Variants in KCNC1 observed in about 807,000 individuals in gnomAD.
KCNC1 encodes potassium voltage-gated channel subfamily C member 1.
KCNC1 carries 8 observed loss-of-function variants against 43.4 expected under a neutral mutation model. The observed-to-expected ratio is 0.18, with a 90% CI of 0.11 to 0.33. KCNC1 has a LOEUF of 0.33. KCNC1 is among the 10% of genes least tolerant of loss of function. KCNC1 has a pLI of 1.00. For synonymous variants in KCNC1, 361 were observed against 360.5 expected, an observed-to-expected ratio of 1.00 and a Z score of -0.01; for missense variants, 420 against 836.0, an observed-to-expected ratio of 0.50 and a Z score of 6.14.
In KCNC1 at chr11:17,739,375, G is replaced by A. The variant is rs1848810632; in HGVS notation, c.570+2803G>A. 2.8e-5 allele frequency among the ~76,000 whole-genome samples: 1 copy of A among 35,976 alleles called. No individual in the cohort carries two copies. Among genetic ancestry groups the A allele is most frequent in the Non-Finnish European group, 1.4e-4 (1 of 7,332 alleles). 23.6% of individuals were successfully genotyped at this position (35,976 alleles called of 152,430 possible). A position where few individuals can be genotyped will look rare whatever the true frequency, so the allele number is the denominator to read the frequency against. On this transcript the variant is annotated intron_variant, in intron 1 of 3. Transcript: ENST00000265969. The surrounding 1 kb of genome is among the most constrained non-coding windows in gnomAD (Gnocchi z 4.2). The stretch of plus-strand genomic sequence containing the variant: ...TGAGACTCCAGGCGTGTGTGTGTGT[G>A]TGTGTGTGTGTGTGTGTGTGTGTGG...
Position 17,752,006 on chromosome 11 carries a change from C to T in KCNC1, c.570+15434C>T, listed in dbSNP as rs549300798. The stretch of plus-strand genomic sequence containing the variant: ...GCTGAGGAGGGGGCCCTCCTGAGGC[C>T]GCAGAAGACCCTGGCTCAGGTATAC... On this transcript the variant is annotated intron_variant, in intron 1 of 3. Transcript: ENST00000265969. Among the ~76,000 whole-genome samples the T allele has an allele frequency of 6.6e-5, 10 of 152,248 alleles. No homozygotes were observed. In the South Asian group the frequency reaches 1.2e-3, roughly 19 times the overall value.
Position 17,776,621 on chromosome 11 carries a change from G to A in KCNC1, c.1505-2835G>A. On this transcript the variant is annotated intron_variant, in intron 2 of 3. Coordinates refer to ENST00000265969, the MANE Select transcript of KCNC1 (RefSeq NM_001112741.2). This position sits in a 1 kb window ranked among gnomAD's most constrained non-coding sequence, Gnocchi z 4.4. ...CTGCCCATGCTGCCATTTCATCACT[G>A]CAGGCCTGTGGGTCTAGTGGGGGCC... is the stretch of plus-strand genomic sequence containing the variant. The A allele has an allele frequency of 1.0e-6, 1 of 985,432 alleles. No individual in the cohort carries two copies. Among genetic ancestry groups the A allele is most frequent in the Non-Finnish European group, 1.2e-6 (1 of 829,966 alleles). 61.0% of individuals were successfully genotyped at this position (985,432 alleles called of 1,614,324 possible). A position where few individuals can be genotyped will look rare whatever the true frequency, so the allele number is the denominator to read the frequency against.
chr11:17,745,697 C>A (rs1343203318), intron 1 of KCNC1, among the ~76,000 whole-genome samples: 1 of 152,160 alleles, frequency 6.6e-6, no homozygotes, highest in Non-Finnish European at 1.5e-5. Context: ...CATGGCTTTC[C>A]TCCCCAGCGC....
Position 17,773,585 on chromosome 11 carries a change from A to T in KCNC1, c.1504+987A>T, listed in dbSNP as rs1217125508. ...GGGAGGGGGGAGGGGGGCATGAAACAATACTAGTCACCGTGGGATATATTC... is the reference window on the plus strand; with the variant it reads ...GGGAGGGGGGAGGGGGGCATGAAACTATACTAGTCACCGTGGGATATATTC... On this transcript the variant is annotated intron_variant, in intron 2 of 3. Coordinates refer to ENST00000265969, the MANE Select transcript of KCNC1 (RefSeq NM_001112741.2). The surrounding 1 kb of genome is among the most constrained non-coding windows in gnomAD (Gnocchi z 4.1). 2.0e-6 allele frequency: 2 copies of T among 985,188 alleles called. No homozygotes were observed. The highest frequency in any genetic ancestry group is 2.4e-6 in the Non-Finnish European group (2 of 829,950). The allele number at this position is 985,188 out of a possible 1,614,324, so 61.0% of individuals were successfully genotyped here.
At chr11:17,749,401 A>G (rs757514) in intron 1 of KCNC1, among the ~76,000 whole-genome samples, 80,453 of 152,234 alleles carry the variant, frequency 0.53, 23,380 homozygotes, top group East Asian at 0.88. Flanking sequence ...CAAGCGGGCT[A>G]CCATACCTGG....
chr11:17,736,622 T>A lies in KCNC1; in HGVS notation c.570+50T>A. 1 of 1,450,160 alleles carries A rather than the reference T, an allele frequency of 6.9e-7. No individual in the cohort carries two copies. The allele number at this position is 1,450,160 out of a possible 1,614,324, so 89.8% of individuals were successfully genotyped here. ...AGAGCGGGGCGGGAAGGCAGCGTCCTGTGCCTCCCCGCGGGCAGGGGTGGA... is the reference window on the plus strand; with the variant it reads ...AGAGCGGGGCGGGAAGGCAGCGTCCAGTGCCTCCCCGCGGGCAGGGGTGGA... On this transcript the variant is annotated intron_variant, in intron 1 of 3. Transcript: ENST00000265969. This position sits in a 1 kb window ranked among gnomAD's most constrained non-coding sequence, Gnocchi z 9.3.
chr11:17,774,626 C>G, intron 2 of KCNC1: 1 of 985,600 alleles, frequency 1.0e-6, no homozygotes, highest in Non-Finnish European at 1.2e-6. Flanking sequence ...CCCCTGAGCT[C>G]CACAGTCTCT....
At chr11:17,761,681 C>G (rs1849080383) in intron 1 of KCNC1, among the ~76,000 whole-genome samples, 1 of 152,196 alleles carries the variant, frequency 6.6e-6, no homozygotes, top group South Asian at 2.1e-4. Context: ...CAGCACCTAC[C>G]GTGGTCCGTT....
At chr11:17,774,745 C>T in intron 2 of KCNC1, 10 of 985,458 alleles carry the variant, frequency 1.0e-5, no homozygotes, top group Non-Finnish European at 1.2e-5. Context: ...GGGGCCCTCA[C>T]AAGCTTGCCC....
chr11:17,747,138 T>A lies in KCNC1; in HGVS notation c.570+10566T>A, dbSNP rs1045800146. On this transcript the variant is annotated intron_variant, in intron 1 of 3. Coordinates refer to ENST00000265969, the MANE Select transcript of KCNC1 (RefSeq NM_001112741.2). ...AGCTCACCTACCGTGGTCCCTGGGG[T>A]CCCTTCCTCCAGTCTGTCTACCAGG... is the stretch of plus-strand genomic sequence containing the variant. Among the ~76,000 whole-genome samples, 4 of 152,058 alleles carry A rather than the reference T, an allele frequency of 2.6e-5. No homozygotes were observed. In the South Asian group the frequency reaches 8.3e-4, roughly 32 times the overall value.
intron 1 of KCNC1, among the ~76,000 whole-genome samples, chr11:17,762,039 T>C (rs1849083681): frequency 1.3e-5 from 2 of 152,220 alleles, no homozygotes; most frequent in Admixed American, 6.5e-5. Flanking sequence ...TCCTTGTTGC[T>C]AAATCCAGAG....
rs1325761904 is a variant in KCNC1, at chr11:17,735,076, C to T, written c.-927C>T. On this transcript the variant is annotated 5_prime_UTR_variant, in exon 1 of 4. Coordinates refer to ENST00000265969, the MANE Select transcript of KCNC1 (RefSeq NM_001112741.2). This position sits in a 1 kb window ranked among gnomAD's most constrained non-coding sequence, Gnocchi z 6.7. ...AATCAAACCCAGCCAGGAGAACCCCCGCCTGGCCCCGTGCAGCTCCGCGAC... is the reference window on the plus strand; with the variant it reads ...AATCAAACCCAGCCAGGAGAACCCCTGCCTGGCCCCGTGCAGCTCCGCGAC... 1 of 152,174 alleles carries T rather than the reference C, an allele frequency of 6.6e-6. No homozygotes were observed. Among genetic ancestry groups the T allele is most frequent in the Non-Finnish European group, 1.5e-5 (1 of 68,052 alleles). The allele number at this position is 152,174 out of a possible 1,614,324, so 9.4% of individuals were successfully genotyped here.
chr11:17,771,531 G>A lies in KCNC1; in HGVS notation c.571-134G>A. The A allele has an allele frequency of 1.3e-6, 1 of 776,248 alleles. No individual in the cohort carries two copies. The highest frequency in any genetic ancestry group is 2.1e-6 in the Non-Finnish European group (1 of 474,292). 48.1% of individuals were successfully genotyped at this position (776,248 alleles called of 1,614,324 possible). A position where few individuals can be genotyped will look rare whatever the true frequency, so the allele number is the denominator to read the frequency against. On this transcript the variant is annotated intron_variant, in intron 1 of 3. Transcript: ENST00000265969. This position sits in a 1 kb window ranked among gnomAD's most constrained non-coding sequence, Gnocchi z 4.7. ...TGCAGGCCCCCTGTGCCCTGAGGAG[G>A]GAAATGTAGCACGTGCTGCAGGGGG...
chr11:17,763,490 G>A lies in KCNC1; in HGVS notation c.571-8175G>A, dbSNP rs1026821393. On this transcript the variant is annotated intron_variant, in intron 1 of 3. Transcript: ENST00000265969. ...ACATGCACACTCACACCCATGCACT[G>A]CCCCCCACACACACTCCCCACGCAC... Among the ~76,000 whole-genome samples the A allele has an allele frequency of 6.6e-5, 10 of 150,524 alleles. 1 individual carries two copies. In the East Asian group the frequency reaches 2.0e-3, roughly 29 times the overall value.
Position 17,777,327 on chromosome 11 carries a change from G to T in KCNC1, c.1505-2129G>T. 1 of 985,872 alleles carries T rather than the reference G, an allele frequency of 1.0e-6. No individual in the cohort carries two copies. The highest frequency in any genetic ancestry group is 1.2e-6 in the Non-Finnish European group (1 of 829,992). 61.1% of individuals were successfully genotyped at this position (985,872 alleles called of 1,614,324 possible). A position where few individuals can be genotyped will look rare whatever the true frequency, so the allele number is the denominator to read the frequency against. ...CTCCCCTGGCAGAGGATGGCCAACA[G>T]AGACTCAGCAAGTCCTCACTCCCCT... is the stretch of plus-strand genomic sequence containing the variant. On this transcript the variant is annotated intron_variant, in intron 2 of 3. Coordinates refer to ENST00000265969, the MANE Select transcript of KCNC1 (RefSeq NM_001112741.2). This position sits in a 1 kb window ranked among gnomAD's most constrained non-coding sequence, Gnocchi z 4.3.
intron 1 of KCNC1, among the ~76,000 whole-genome samples, chr11:17,747,858 C>T (rs942099938): frequency 2.6e-5 from 4 of 152,210 alleles, no homozygotes; most frequent in Non-Finnish European, 5.9e-5. Context: ...GCACCCCTGC[C>T]CACAATGCCA....
At position 17,739,168 on chromosome 11, in the gene KCNC1, G is replaced by T. The variant is rs960018930; in HGVS notation, c.570+2596G>T. ...ACCTTTGTTTACCCCTCCCCCACACGGGGCCCCGAGACTCCTCACACCAGC... is the reference window on the plus strand; with the variant it reads ...ACCTTTGTTTACCCCTCCCCCACACTGGGCCCCGAGACTCCTCACACCAGC... On this transcript the variant is annotated intron_variant, in intron 1 of 3. Transcript: ENST00000265969. This position sits in a 1 kb window ranked among gnomAD's most constrained non-coding sequence, Gnocchi z 4.2. 6.6e-6 allele frequency among the ~76,000 whole-genome samples: 1 copy of T among 151,552 alleles called. No homozygotes were observed. The highest frequency in any genetic ancestry group is 2.1e-4 in the South Asian group (1 of 4,786).
In KCNC1 at chr11:17,773,398, A is replaced by C; in HGVS notation, c.1504+800A>C. 1.0e-6 allele frequency: 1 copy of C among 985,254 alleles called. No individual in the cohort carries two copies. Among genetic ancestry groups the C allele is most frequent in the East Asian group, 1.1e-4 (1 of 8,804 alleles). The allele number at this position is 985,254 out of a possible 1,614,324, so 61.0% of individuals were successfully genotyped here. The stretch of plus-strand genomic sequence containing the variant: ...GATGGAAGCGGCTGCCGAGCAAAAG[A>C]CTAGAGGGGGCCACCACCCTGGGCA... On this transcript the variant is annotated intron_variant, in intron 2 of 3. Coordinates refer to ENST00000265969, the MANE Select transcript of KCNC1 (RefSeq NM_001112741.2). This position sits in a 1 kb window ranked among gnomAD's most constrained non-coding sequence, Gnocchi z 4.1.
At chr11:17,774,331 T>A in intron 2 of KCNC1, 1 of 985,566 alleles carries the variant, frequency 1.0e-6, no homozygotes, top group African/African-American at 1.7e-5. Context: ...GAGCTCAGCC[T>A]GAGTGGCATC....
Sources: gnomAD v4.1 joint callset for allele counts (sites outside exome capture counted in the v4.1 genomes callset) on GRCh38, gnomAD v4.1.1 for gene constraint, Gnocchi (gnomAD v3.1) non-coding constraint, MANE v1.5 for transcripts, NCBI Gene and HGNC (gene_info 2026-07-23, HGNC 2026-07-21) for gene names.